CCDC141: variants seen among roughly 807,000 people sequenced by gnomAD.
The protein encoded by CCDC141 is coiled-coil domain containing 141.
A neutral mutation model predicts 181.0 loss-of-function variants in CCDC141; 168 were observed. The observed-to-expected ratio is 0.93, with a 90% CI of 0.82 to 1.05. The LOEUF (loss-of-function observed/expected upper bound fraction) is 1.05, where lower values mean the gene tolerates loss of function less well. Ranked by LOEUF, CCDC141 falls within the 50% of genes least tolerant of loss-of-function variation. CCDC141 has a pLI of 0.00. For synonymous variants in CCDC141, 666 were observed against 642.3 expected, an observed-to-expected ratio of 1.04 and a Z score of -0.56; for missense variants, 1,902 against 1,788.5, an observed-to-expected ratio of 1.06 and a Z score of -1.14.
chr2:178,913,874 G>A (rs1688326339), intron 7 of CCDC141, among the ~76,000 whole-genome samples: 1 of 152,162 alleles, frequency 6.6e-6, no homozygotes, highest in Non-Finnish European at 1.5e-5. Flanking sequence ...GGAAATGGAA[G>A]GCATAGGACA....
chr2:179,015,067 G>GAGATATATATATATATATATATATATAT (rs1452838868), intron 2 of CCDC141, among the ~76,000 whole-genome samples: 1 of 39,594 alleles, frequency 2.5e-5, no homozygotes, highest in East Asian at 6.8e-4. Flanking sequence ...GAGAGACAGA[G>GAGATATATATATATATATATATATATAT]ATATATATAT....
At position 179,013,968 on chromosome 2, in the gene CCDC141, A is replaced by AAAG. The variant is rs1463533486; in HGVS notation, c.225+33315_225+33316insCTT. Reference sequence around the variant, plus strand: ...AGAGTGAGACTCCATCTCAAAAAAAAAAAAAAAAAAAAAAAAAAAGGACAA... The same window carrying AAAG: ...AGAGTGAGACTCCATCTCAAAAAAAAAAGAAAAAAAAAAAAAAAAAAAGGACAA... On this transcript the variant is annotated intron_variant, in intron 2 of 23. Transcript: ENST00000443758. Among the ~76,000 whole-genome samples, 3 of 148,344 alleles carry AAAG rather than the reference A, an allele frequency of 2.0e-5. No homozygotes were observed. The East Asian group carries it at 5.8e-4, about 29-fold the overall frequency.
intron 8 of CCDC141, among the ~76,000 whole-genome samples, chr2:178,901,409 T>G (rs1450952962): frequency 6.6e-6 from 1 of 151,982 alleles, no homozygotes; most frequent in African/African-American, 2.4e-5. Context: ...TTATCCACCA[T>G]GATCAAGTGG....
intron 17 of CCDC141, among the ~76,000 whole-genome samples, chr2:178,858,435 A>G (rs552978923): frequency 8.7e-6 from 1 of 114,594 alleles, no homozygotes; most frequent in East Asian, 2.2e-4. Flanking sequence ...AACTACATAT[A>G]TAATAAGTAC....
intron 2 of CCDC141, among the ~76,000 whole-genome samples, chr2:179,015,381 CTCATA>C (rs2042455945): frequency 7.3e-6 from 1 of 136,824 alleles, no homozygotes; most frequent in Admixed American, 7.9e-5. Context: ...TCATATATAT[CTCATA>C]TATGTATCAT....
At chr2:179,002,893 A>ATAATAACTCTCACAAATACATCAAAT in intron 2 of CCDC141, 1 of 152,486 alleles carries the variant, frequency 6.6e-6, no homozygotes, top group South Asian at 2.1e-4. Context: ...ATACATCAAA[A>ATAATAACTCTCACAAATACATCAAAT]TAATAACTCT....
At chr2:178,999,888 C>A (rs1389389404) in intron 2 of CCDC141, among the ~76,000 whole-genome samples, 4 of 152,084 alleles carry the variant, frequency 2.6e-5, no homozygotes, top group Non-Finnish European at 5.9e-5. Flanking sequence ...AGGGTATTAG[C>A]CCCTTTAAAG....
chr2:178,880,141 A>C (rs1686529623), intron 11 of CCDC141, among the ~76,000 whole-genome samples: 1 of 152,220 alleles, frequency 6.6e-6, no homozygotes. Context: ...CAATTCTCAA[A>C]ACATAAACTT....
At chr2:178,896,798 A>C (rs901676753) in intron 8 of CCDC141, among the ~76,000 whole-genome samples, 2 of 152,168 alleles carry the variant, frequency 1.3e-5, no homozygotes, top group Non-Finnish European at 2.9e-5. Context: ...CCTCATCTGC[A>C]AAACAGGGAC....
chr2:178,902,917 AC>A (rs1687774408), intron 8 of CCDC141, among the ~76,000 whole-genome samples: 1 of 148,854 alleles, frequency 6.7e-6, no homozygotes, highest in African/African-American at 2.4e-5. Flanking sequence ...CAAGAAAAAA[AC>A]AAACAACCCC....
chr2:178,998,773 C>T (rs561978560), intron 2 of CCDC141, among the ~76,000 whole-genome samples: 7 of 151,968 alleles, frequency 4.6e-5, no homozygotes, highest in Admixed American at 6.6e-5. Flanking sequence ...CAGGATATCA[C>T]GGTCTTTGAT....
intron 8 of CCDC141, among the ~76,000 whole-genome samples, chr2:178,892,447 TC>T (rs995950397): frequency 1.3e-5 from 2 of 152,114 alleles, no homozygotes; most frequent in African/African-American, 4.8e-5. Context: ...AGTAACCAGT[TC>T]CTTTTCTCTC....
intron 2 of CCDC141, among the ~76,000 whole-genome samples, chr2:179,015,956 T>C (rs190891117): frequency 1.4e-5 from 2 of 145,788 alleles, no homozygotes; most frequent in East Asian, 4.3e-4. Flanking sequence ...ATATATCTCA[T>C]ATATATCATA....
chr2:179,050,024 C>G lies in CCDC141; in HGVS notation c.-83G>C, dbSNP rs2043628917. On this transcript the variant is annotated 5_prime_UTR_variant, in exon 1 of 24. Coordinates refer to ENST00000443758, the MANE Select transcript of CCDC141 (RefSeq NM_173648.4). ...TGGTCATTTCAGAAGGCCAGGGTTACTTGGATTCATTCAGGGAAAGAGCTC... is the reference window on the plus strand; with the variant it reads ...TGGTCATTTCAGAAGGCCAGGGTTAGTTGGATTCATTCAGGGAAAGAGCTC... The G allele has an allele frequency of 2.6e-6, 4 of 1,537,808 alleles. No homozygotes were observed. Among genetic ancestry groups the G allele is most frequent in the Non-Finnish European group, 3.5e-6 (4 of 1,140,236 alleles).
chr2:178,901,379 C>T (rs1042578590), intron 8 of CCDC141, among the ~76,000 whole-genome samples: 18 of 151,958 alleles, frequency 1.2e-4, no homozygotes, highest in Non-Finnish European at 1.9e-4. Context: ...CAAACCGAAT[C>T]CAGCAGCACA....
intron 2 of CCDC141, among the ~76,000 whole-genome samples, chr2:178,981,113 T>C (rs2154381052): frequency 6.6e-6 from 1 of 152,266 alleles, no homozygotes; most frequent in Non-Finnish European, 1.5e-5. Context: ...CAAAAATTAA[T>C]AGAACTACAT....
chr2:178,819,797 T>C, the CCDC141 span, among the ~76,000 whole-genome samples: 1 of 152,114 alleles, frequency 6.6e-6, no homozygotes, highest in Non-Finnish European at 1.5e-5. Context: ...AAATCCTGCT[T>C]TAGAGAAATA....
intron 2 of CCDC141, among the ~76,000 whole-genome samples, chr2:179,015,097 T>TACAC: frequency 2.4e-5 from 1 of 42,460 alleles, no homozygotes; most frequent in East Asian, 1.1e-3. Context: ...TATATATATA[T>TACAC]ATATATAATA....
At chr2:178,942,163 T>C (rs889837411) in intron 6 of CCDC141, among the ~76,000 whole-genome samples, 11 of 152,030 alleles carry the variant, frequency 7.2e-5, no homozygotes, top group Admixed American at 4.6e-4. Flanking sequence ...AGGAAGTGCA[T>C]ATACTTGTCT....
Sources: gnomAD v4.1 joint callset for allele counts (sites outside exome capture counted in the v4.1 genomes callset) on GRCh38, gnomAD v4.1.1 for gene constraint, MANE v1.5 for transcripts, NCBI Gene and HGNC (gene_info 2026-07-23, HGNC 2026-07-21) for gene names.